ALK: variants seen among roughly 807,000 people sequenced by gnomAD.
ALK encodes ALK receptor tyrosine kinase, also known as ALK tyrosine kinase receptor.
A neutral mutation model predicts 163.1 loss-of-function variants in ALK; 74 were observed. That is an observed-to-expected ratio of 0.45 (90% CI 0.38 to 0.55). The LOEUF is 0.55. ALK is among the 20% of genes least tolerant of loss of function. The pLI is 0.00. For synonymous variants in ALK, 960 were observed against 843.2 expected, an observed-to-expected ratio of 1.14 and a Z score of -2.40; for missense variants, 2,063 against 2,105.3, an observed-to-expected ratio of 0.98 and a Z score of 0.39.
chr2:29,556,263 G>A (rs139490476), intron 3 of ALK, among the ~76,000 whole-genome samples: 11 of 152,254 alleles, frequency 7.2e-5, no homozygotes, highest in Admixed American at 3.9e-4. Context: ...GGCATGTAGC[G>A]TTTCTAAAGT....
At chr2:29,365,482 A>T (rs1668481966) in intron 5 of ALK, among the ~76,000 whole-genome samples, 1 of 152,210 alleles carries the variant, frequency 6.6e-6, no homozygotes, top group Non-Finnish European at 1.5e-5. Flanking sequence ...AAGAGGGTCC[A>T]GCTCCAAGGT....
At chr2:29,687,851 T>C (rs1678283287) in intron 3 of ALK, among the ~76,000 whole-genome samples, 1 of 152,244 alleles carries the variant, frequency 6.6e-6, no homozygotes, top group Non-Finnish European at 1.5e-5. Context: ...TGTGGTATAA[T>C]ATTTTAGGTA....
intron 8 of ALK, among the ~76,000 whole-genome samples, chr2:29,298,317 A>C (rs1666261169): frequency 6.6e-6 from 1 of 152,292 alleles, no homozygotes; most frequent in Non-Finnish European, 1.5e-5. Flanking sequence ...GGATAAATGA[A>C]TGAATCTGTT....
rs532157657 is a variant in ALK at position 29,369,428 on chromosome 2, G to T, written c.1282+14304C>A. 1.7e-4 allele frequency among the ~76,000 whole-genome samples: 26 copies of T among 152,276 alleles called. No individual in the cohort carries two copies. The East Asian group carries it at 4.3e-3, about 25-fold the overall frequency. On this transcript the variant is annotated intron_variant, in intron 5 of 28. Coordinates refer to ENST00000389048, the MANE Select transcript of ALK (RefSeq NM_004304.5). ...GAAGAGAGATCATCAGAGGATCTTT[G>T]CTTAGAGTAAGGATGAAAAGAGAAG...
At chr2:29,621,324 T>C (rs1336136930) in intron 3 of ALK, among the ~76,000 whole-genome samples, 1 of 152,192 alleles carries the variant, frequency 6.6e-6, no homozygotes, top group African/African-American at 2.4e-5. Flanking sequence ...GTAGAAAAGA[T>C]ATCTGTTTTC....
At chr2:29,513,634 A>C (rs1200673163) in intron 4 of ALK, among the ~76,000 whole-genome samples, 2 of 151,862 alleles carry the variant, frequency 1.3e-5, no homozygotes, top group African/African-American at 2.4e-5. Flanking sequence ...GCAACAAAAG[A>C]CAAAATTGAC....
intron 2 of ALK, among the ~76,000 whole-genome samples, chr2:29,710,200 C>T (rs1195607744): frequency 6.6e-6 from 1 of 152,168 alleles, no homozygotes; most frequent in African/African-American, 2.4e-5. Flanking sequence ...TCTTACTTAC[C>T]ACAAAATGCT....
At chr2:29,685,420 T>C (rs1261221688) in intron 3 of ALK, among the ~76,000 whole-genome samples, 1 of 152,196 alleles carries the variant, frequency 6.6e-6, no homozygotes, top group Non-Finnish European at 1.5e-5. Flanking sequence ...ATCTCCTTAT[T>C]TCTGGCCTCA....
chr2:29,426,658 C>T (rs988493831), intron 4 of ALK, among the ~76,000 whole-genome samples: 10 of 152,260 alleles, frequency 6.6e-5, no homozygotes, highest in Middle Eastern at 3.4e-3. Context: ...CACACACACA[C>T]CAAAGAACAT....
chr2:29,772,974 C>T (rs1046120245), intron 1 of ALK, among the ~76,000 whole-genome samples: 1 of 152,110 alleles, frequency 6.6e-6, no homozygotes, highest in Non-Finnish European at 1.5e-5. Context: ...TGTGGAACGA[C>T]GTGCTGGAGT....
At chr2:29,292,990 C>T (rs951123167) in intron 9 of ALK, among the ~76,000 whole-genome samples, 9 of 152,082 alleles carry the variant, frequency 5.9e-5, no homozygotes, top group African/African-American at 2.2e-4. Context: ...ACCAGGGCAC[C>T]CAATTAGGAT....
chr2:29,242,559 T>C (rs867282912), intron 12 of ALK, among the ~76,000 whole-genome samples: 2 of 152,192 alleles, frequency 1.3e-5, no homozygotes, highest in African/African-American at 4.8e-5. Flanking sequence ...CAGCCCCATC[T>C]ATGTCTTGAC....
intron 4 of ALK, among the ~76,000 whole-genome samples, chr2:29,508,587 C>G (rs1382920705): frequency 6.6e-6 from 1 of 151,576 alleles, no homozygotes; most frequent in South Asian, 2.1e-4. Context: ...AGGAGATATA[C>G]CTAATGTTAA....
At chr2:29,423,745 G>T (rs1258147771) in intron 4 of ALK, among the ~76,000 whole-genome samples, 1 of 152,068 alleles carries the variant, frequency 6.6e-6, no homozygotes, top group Non-Finnish European at 1.5e-5. Flanking sequence ...AGGACACTGG[G>T]GGACCCTCCT....
chr2:29,559,804 T>TGTGTGTGTGTGTG (rs1553332242), intron 3 of ALK, among the ~76,000 whole-genome samples: 2 of 149,330 alleles, frequency 1.3e-5, no homozygotes, highest in Non-Finnish European at 1.5e-5. Flanking sequence ...TGTGTGTGTA[T>TGTGTGTGTGTGTG]TAGTTCACAC....
chr2:29,886,913 G>A (rs1484350572), intron 1 of ALK, among the ~76,000 whole-genome samples: 1 of 152,196 alleles, frequency 6.6e-6, no homozygotes, highest in African/African-American at 2.4e-5. Context: ...GTAAAGAAGG[G>A]AAGAGAAAGA....
chr2:29,755,610 G>C (rs994468810), intron 1 of ALK, among the ~76,000 whole-genome samples: 15 of 152,154 alleles, frequency 9.9e-5, no homozygotes, highest in African/African-American at 3.1e-4. Context: ...ACCATTCCGG[G>C]GTCCCCTGCA....
At chr2:29,385,279 T>C (rs1371237044) in intron 4 of ALK, among the ~76,000 whole-genome samples, 1 of 151,750 alleles carries the variant, frequency 6.6e-6, no homozygotes, top group Non-Finnish European at 1.5e-5. Context: ...GCATTGAAAA[T>C]CCAACTATTC....
Position 29,919,921 on chromosome 2 carries a change from A to T in ALK, c.667+72T>A, listed in dbSNP as rs1044945311. ...TTTAGAAAGTGGGGTGGAAGTGAAG[A>T]TTATTTAATGGTTGCATATCAATGT... is the stretch of plus-strand genomic sequence containing the variant. On this transcript the variant is annotated intron_variant, in intron 1 of 28. Transcript: ENST00000389048. The T allele has an allele frequency of 8.4e-6, 13 of 1,553,878 alleles. No individual in the cohort carries two copies. The African/African-American group carries it at 1.8e-4, about 21-fold the overall frequency.
Sources: allele counts gnomAD v4.1 joint callset (sites outside exome capture counted in the v4.1 genomes callset), GRCh38; gene constraint gnomAD v4.1.1; transcripts MANE v1.5; gene names NCBI Gene and HGNC (gene_info 2026-07-23, HGNC 2026-07-21).